Variants in KCMF1 observed in about 807,000 individuals in gnomAD.
KCMF1 encodes the protein potassium channel modulatory factor 1.
Under a neutral mutation model 41.1 loss-of-function variants are expected in KCMF1, and 3 were observed. That is an observed-to-expected ratio of 0.07 (90% CI 0.03 to 0.19). KCMF1 has a LOEUF of 0.19. Among genes scored for constraint, KCMF1 ranks in the 10% least tolerant of loss-of-function variants. KCMF1 has a pLI of 1.00. For synonymous variants in KCMF1, 142 were observed against 164.5 expected (o/e 0.86, Z 1.04); for missense variants, 286 against 488.9 (o/e 0.58, Z 3.91).
intron 2 of KCMF1, 77 bp downstream of exon 2, chr2:85,028,133 A>T (rs1675157685): frequency 1.1e-6 from 1 of 874,560 alleles, no homozygotes; most frequent in Admixed American, 2.6e-5. Context: ...AAAGTGTTCT[A>T]AAACTCCCCA....
intron 1 of KCMF1, among the ~76,000 whole-genome samples, chr2:85,018,545 C>T (rs1674846127): frequency 6.6e-6 from 1 of 152,040 alleles, no homozygotes; most frequent in Non-Finnish European, 1.5e-5. Context: ...CCTGGGATTA[C>T]AGGCATGAGC....
intron 3 of KCMF1, 144 bp from the exon 4 acceptor site, chr2:85,043,420 C>T (rs1675588694): frequency 1.5e-6 from 1 of 646,952 alleles, no homozygotes; most frequent in Non-Finnish European, 2.8e-6. Flanking sequence ...GCTTAGGTTT[C>T]TACTGCTTTT....
At chr2:85,050,536 G>T (rs1216438453) in intron 6 of KCMF1, among the ~76,000 whole-genome samples, 1 of 152,130 alleles carries the variant, frequency 6.6e-6, no homozygotes, top group Non-Finnish European at 1.5e-5. Flanking sequence ...GCATGTATTT[G>T]TCTGCCAAAA....
intron 1 of KCMF1, among the ~76,000 whole-genome samples, chr2:85,010,766 C>T (rs1018164435): frequency 2.6e-5 from 4 of 151,938 alleles, no homozygotes; most frequent in African/African-American, 9.7e-5. Flanking sequence ...TTTTCTGCTT[C>T]CTTCTTCTGA....
intron 1 of KCMF1, among the ~76,000 whole-genome samples, chr2:84,986,717 GAA>G (rs80299863): frequency 7.5e-6 from 1 of 133,242 alleles, no homozygotes. Flanking sequence ...CTGTACTTAA[GAA>G]AAAAAAAAAA....
intron 1 of KCMF1, among the ~76,000 whole-genome samples, chr2:85,018,331 G>A (rs529627287): frequency 2.7e-5 from 4 of 147,706 alleles, no homozygotes; most frequent in South Asian, 2.1e-4. Context: ...AGTGCAGTGC[G>A]CAAACTCGGC....
intron 2 of KCMF1, among the ~76,000 whole-genome samples, chr2:85,031,282 C>T (rs1675260634): frequency 6.6e-6 from 1 of 152,128 alleles, no homozygotes. Context: ...GGATATGCTT[C>T]CATTTTTGTA....
At chr2:85,004,617 T>C (rs897602015) in intron 1 of KCMF1, among the ~76,000 whole-genome samples, 36 of 151,878 alleles carry the variant, frequency 2.4e-4, no homozygotes, top group African/African-American at 7.5e-4. Flanking sequence ...TCTTGCAGAG[T>C]GTGAGAACAA....
chr2:84,974,670 TATATATATATATATATATA>T (rs1369841809), intron 1 of KCMF1, among the ~76,000 whole-genome samples: 1 of 35,900 alleles, frequency 2.8e-5, no homozygotes, highest in Non-Finnish European at 5.6e-5. Flanking sequence ...TATATATATA[TATATATATATATATATATA>T]TATTTTTTTT....
rs34687477 is a variant in KCMF1, at chr2:84,982,389, C to CTTTTTTTTTTT, written c.16+10945_16+10955dup. ...GAGTTACAGATGTGTTCCTTATTTT[C>CTTTTTTTTTTT]TTTTTTTTTTTTTTTTTTTTTTTTT... On this transcript the variant is annotated intron_variant, in intron 1 of 6. Transcript: ENST00000409785. 4.8e-3 allele frequency among the ~76,000 whole-genome samples: 229 copies of CTTTTTTTTTTT among 47,280 alleles called. 45 individuals are homozygous for CTTTTTTTTTTT. Among genetic ancestry groups the CTTTTTTTTTTT allele is most frequent in the African/African-American group, 8.6e-3 (97 of 11,242 alleles). The allele number at this position is 47,280 out of a possible 152,430, so 31.0% of individuals were successfully genotyped here. A position where few individuals can be genotyped will look rare whatever the true frequency, so the allele number is the denominator to read the frequency against.
chr2:84,973,607 A>C lies in KCMF1; in HGVS notation c.16+2140A>C, dbSNP rs368017202. 1.6e-4 allele frequency among the ~76,000 whole-genome samples: 25 copies of C among 152,316 alleles called. 1 individual carries two copies. The highest frequency in any genetic ancestry group is 5.8e-4 in the African/African-American group (24 of 41,576). The stretch of plus-strand genomic sequence containing the variant: ...GTCTAGTTTATGGCCTAAGACAGGA[A>C]TAGCAGTCTCACGAATCACATTTAA... On this transcript the variant is annotated intron_variant, in intron 1 of 6. Transcript: ENST00000409785.
chr2:85,020,174 T>C (rs1386312763), intron 1 of KCMF1, among the ~76,000 whole-genome samples: 3 of 152,136 alleles, frequency 2.0e-5, no homozygotes, highest in African/African-American at 7.2e-5. Context: ...GCTTTGTTCA[T>C]CTATACTTGC....
At chr2:85,022,730 C>T (rs138596146) in intron 1 of KCMF1, among the ~76,000 whole-genome samples, 35 of 152,180 alleles carry the variant, frequency 2.3e-4, no homozygotes, top group African/African-American at 6.3e-4. Flanking sequence ...TTTCAAGATC[C>T]GTAAAAGCTT....
At chr2:85,042,591 C>T (rs1016232596) in intron 3 of KCMF1, among the ~76,000 whole-genome samples, 2 of 152,316 alleles carry the variant, frequency 1.3e-5, no homozygotes, top group South Asian at 2.1e-4. Flanking sequence ...TTGAACTGTG[C>T]ACTTCCTGGG....
chr2:85,003,880 G>C (rs1046060501), intron 1 of KCMF1, among the ~76,000 whole-genome samples: 6 of 152,162 alleles, frequency 3.9e-5, no homozygotes, highest in East Asian at 1.9e-4. Flanking sequence ...GGTTAGCATA[G>C]GGTAAAGGCC....
intron 2 of KCMF1, among the ~76,000 whole-genome samples, chr2:85,030,957 C>A (rs953944351): frequency 6.6e-6 from 1 of 152,184 alleles, no homozygotes; most frequent in African/African-American, 2.4e-5. Flanking sequence ...CTCAGCCTCC[C>A]AAAGTGCTGA....
chr2:85,013,889 T>G (rs1241248966), intron 1 of KCMF1: 4 of 152,178 alleles, frequency 2.6e-5, no homozygotes, highest in Admixed American at 2.0e-4. Context: ...CCCCTTTCAT[T>G]GTTTGAAATG....
intron 3 of KCMF1, among the ~76,000 whole-genome samples, chr2:85,038,554 A>C (rs1675453500): frequency 6.6e-6 from 1 of 152,208 alleles, no homozygotes; most frequent in Non-Finnish European, 1.5e-5. Context: ...AAAAGCCTGA[A>C]GTTGTCATTG....
chr2:84,989,494 A>AT (rs1673986090), intron 1 of KCMF1, among the ~76,000 whole-genome samples: 2 of 152,148 alleles, frequency 1.3e-5, no homozygotes, highest in Admixed American at 1.3e-4. Context: ...GTAACATCTG[A>AT]TTTTTGTGCT....
Sources: gnomAD v4.1 joint callset for allele counts (sites outside exome capture counted in the v4.1 genomes callset) on GRCh38, gnomAD v4.1.1 for gene constraint, MANE v1.5 for transcripts, NCBI Gene and HGNC (gene_info 2026-07-23, HGNC 2026-07-21) for gene names.